The following RAB31 variants were observed in gnomAD, a reference collection of about 807,000 sequenced individuals.
The protein encoded by RAB31 is ras-related protein Rab-31.
In RAB31, 21 loss-of-function variants were observed where a neutral mutation model predicts 25.6. That is an observed-to-expected ratio of 0.82 (90% CI 0.58 to 1.18). The LOEUF is 1.18. Among genes scored for constraint, RAB31 ranks in the 50% most tolerant of loss-of-function variants. The probability of loss-of-function intolerance (pLI) is 0.00; values close to 1 mark genes in which losing one functional copy is unlikely to be tolerated. For synonymous variants in RAB31, 87 were observed against 84.0 expected (o/e 1.04, Z -0.20); for missense variants, 196 against 250.1 (o/e 0.78, Z 1.46).
chr18:9,808,334 C>T (rs1339999365), intron 3 of RAB31, among the ~76,000 whole-genome samples: 1 of 152,202 alleles, frequency 6.6e-6, no homozygotes, highest in Non-Finnish European at 1.5e-5. Flanking sequence ...GGTGGTTTGT[C>T]TGTACTGCCG....
chr18:9,814,119 T>A, intron 4 of RAB31, 28 bp downstream of exon 4: 1 of 1,485,336 alleles, frequency 6.7e-7, no homozygotes, highest in Admixed American at 1.9e-5. Flanking sequence ...AGAATTTAGA[T>A]GTCATTTATG....
intron 6 of RAB31, among the ~76,000 whole-genome samples, chr18:9,852,723 AG>A (rs1463182259): frequency 2.6e-5 from 4 of 152,260 alleles, no homozygotes; most frequent in Admixed American, 1.3e-4. Context: ...TTCATTTACA[AG>A]TCTTTGTGTG....
chr18:9,826,451 C>T (rs751723581), intron 5 of RAB31, among the ~76,000 whole-genome samples: 4 of 152,120 alleles, frequency 2.6e-5, no homozygotes, highest in Non-Finnish European at 5.9e-5. Context: ...AAAAGTGACA[C>T]CATTGGCCCT....
intron 1 of RAB31, among the ~76,000 whole-genome samples, chr18:9,709,263 C>T (rs1164563664): frequency 6.6e-6 from 1 of 152,170 alleles, no homozygotes; most frequent in Non-Finnish European, 1.5e-5. Context: ...GGCGAACCGC[C>T]CCTGGGAATT....
In RAB31 at chr18:9,780,141, A is replaced by G. The variant is rs2068394461; in HGVS notation, c.119+4784A>G. The stretch of plus-strand genomic sequence containing the variant: ...CAGTGAGCCATGATTGTGCCACTCT[A>G]CTCCAGCCAGGGCAACAGAGTGAAA... On this transcript the variant is annotated intron_variant, in intron 2 of 6. Transcript: ENST00000578921. Among the ~76,000 whole-genome samples, 2 of 150,260 alleles carry G rather than the reference A, an allele frequency of 1.3e-5. 1 individual carries two copies. The highest frequency in any genetic ancestry group is 4.9e-5 in the African/African-American group (2 of 40,650).
At chr18:9,832,025 TA>T (rs1307300874) in intron 5 of RAB31, among the ~76,000 whole-genome samples, 6 of 152,160 alleles carry the variant, frequency 3.9e-5, no homozygotes, top group Non-Finnish European at 2.9e-5. Context: ...ACGGCAGTGC[TA>T]GTGATGGACA....
chr18:9,825,478 T>G (rs766438081), intron 5 of RAB31, among the ~76,000 whole-genome samples: 22 of 152,210 alleles, frequency 1.4e-4, no homozygotes, highest in Non-Finnish European at 2.9e-4. Flanking sequence ...TTTAAAAGTT[T>G]CATGAATTCA....
intron 5 of RAB31, among the ~76,000 whole-genome samples, chr18:9,835,114 G>A (rs1407340030): frequency 6.6e-6 from 1 of 152,158 alleles, no homozygotes; most frequent in African/African-American, 2.4e-5. Context: ...GACACAGGTG[G>A]GTCAAGGGGT....
chr18:9,770,670 G>A (rs1190105100), intron 1 of RAB31, among the ~76,000 whole-genome samples: 1 of 152,082 alleles, frequency 6.6e-6, no homozygotes, highest in Non-Finnish European at 1.5e-5. Context: ...TTTATTTCAG[G>A]TTCTGGAGTC....
chr18:9,853,665 G>A (rs572573135), intron 6 of RAB31, among the ~76,000 whole-genome samples: 2 of 152,286 alleles, frequency 1.3e-5, no homozygotes, highest in Admixed American at 6.5e-5. Flanking sequence ...GAACCCTCCT[G>A]TGAACTATAG....
At chr18:9,822,687 G>C (rs1015269097) in intron 5 of RAB31, among the ~76,000 whole-genome samples, 1 of 152,162 alleles carries the variant, frequency 6.6e-6, no homozygotes, top group Non-Finnish European at 1.5e-5. Flanking sequence ...AAGATGGTGA[G>C]GAAGGATATA....
intron 3 of RAB31, among the ~76,000 whole-genome samples, chr18:9,802,150 T>G (rs1234700794): frequency 2.0e-5 from 3 of 152,252 alleles, no homozygotes; most frequent in African/African-American, 7.2e-5. Context: ...TTGTTTTAGC[T>G]ATTCTGTGTA....
In RAB31 at chr18:9,719,639, G is replaced by A. The variant is rs80211329; in HGVS notation, c.39+11195G>A. Among the ~76,000 whole-genome samples, 133 of 151,678 alleles carry A rather than the reference G, an allele frequency of 8.8e-4. 3 individuals carry two copies. The East Asian group carries it at 0.022, about 25-fold the overall frequency. On this transcript the variant is annotated intron_variant, in intron 1 of 6. Coordinates refer to ENST00000578921, the MANE Select transcript of RAB31 (RefSeq NM_006868.4). ...GTTCGGAGGACGGCTTTATATTTTA[G>A]GACCAATGTCAACCTCACCATCCTG...
chr18:9,779,407 A>G (rs1045288623), intron 2 of RAB31, among the ~76,000 whole-genome samples: 7 of 152,206 alleles, frequency 4.6e-5, no homozygotes, highest in African/African-American at 1.4e-4. Context: ...TTCTGTGGAC[A>G]TGCAGGTATA....
intron 5 of RAB31, among the ~76,000 whole-genome samples, chr18:9,817,704 A>G (rs542403871): frequency 6.6e-6 from 1 of 152,348 alleles, no homozygotes; most frequent in African/African-American, 2.4e-5. Context: ...GGCTACCAGC[A>G]CCCAAAGATG....
intron 1 of RAB31, among the ~76,000 whole-genome samples, chr18:9,761,880 T>C (rs950843388): frequency 3.9e-5 from 6 of 152,208 alleles, no homozygotes; most frequent in African/African-American, 1.4e-4. Flanking sequence ...TGATCTTGGC[T>C]CACTGCAACC....
At chr18:9,823,409 A>G (rs2068633350) in intron 5 of RAB31, among the ~76,000 whole-genome samples, 1 of 152,218 alleles carries the variant, frequency 6.6e-6, no homozygotes, top group African/African-American at 2.4e-5. Flanking sequence ...ACATAAGTGC[A>G]TACAAGTAAA....
intron 1 of RAB31, among the ~76,000 whole-genome samples, chr18:9,710,201 C>A (rs1442503513): frequency 6.6e-6 from 1 of 152,158 alleles, no homozygotes; most frequent in African/African-American, 2.4e-5. Context: ...CGTTCTTTCC[C>A]ACCAAAGAGC....
At chr18:9,845,504 A>C in intron 5 of RAB31, 78 bp from the exon 6 acceptor site, 1 of 1,285,328 alleles carries the variant, frequency 7.8e-7, no homozygotes, top group Non-Finnish European at 1.0e-6. Context: ...GTTGCCGCAC[A>C]AGCTGTCTGG....
Sources: allele counts gnomAD v4.1 joint callset (sites outside exome capture counted in the v4.1 genomes callset), GRCh38; gene constraint gnomAD v4.1.1; transcripts MANE v1.5; gene names NCBI Gene and HGNC (gene_info 2026-07-23, HGNC 2026-07-21).